The following CDH12 variants were observed in gnomAD, a reference collection of about 807,000 sequenced individuals.
CDH12 encodes cadherin-12.
A neutral mutation model predicts 74.1 loss-of-function variants in CDH12; 41 were observed. The ratio of observed to expected loss-of-function variants is 0.55; its 90% CI spans 0.43 to 0.72. CDH12 has a LOEUF of 0.72. CDH12 is among the 30% of genes least tolerant of loss of function. CDH12 has a pLI of 0.00. For synonymous variants in CDH12, 399 were observed against 355.0 expected, an observed-to-expected ratio of 1.12 and a Z score of -1.39; for missense variants, 945 against 977.2, an observed-to-expected ratio of 0.97 and a Z score of 0.44.
chr5:22,723,789 T>C (rs1374116936), intron 1 of CDH12, among the ~76,000 whole-genome samples: 1 of 152,084 alleles, frequency 6.6e-6, no homozygotes, highest in Non-Finnish European at 1.5e-5. Flanking sequence ...TATTTGGCAC[T>C]AATAAGTGAT....
At chr5:21,880,689 T>A (rs914603307) in intron 6 of CDH12, among the ~76,000 whole-genome samples, 1 of 131,588 alleles carries the variant, frequency 7.6e-6, no homozygotes, top group African/African-American at 2.8e-5. Flanking sequence ...CTTTCTTTCT[T>A]TCTCTTTTCT....
chr5:21,752,075 CT>C lies in CDH12; in HGVS notation c.2046del (p.Val683Ter), dbSNP rs1296145829. 1 of 1,614,108 alleles carries C rather than the reference CT, an allele frequency of 6.2e-7. No individual in the cohort carries two copies. Among genetic ancestry groups the C allele is most frequent in the Admixed American group, 1.7e-5 (1 of 59,994 alleles). On this transcript the variant is annotated frameshift_variant, in exon 15 of 15. Transcript: ENST00000382254. LOFTEE classifies it high-confidence loss of function. ...CTGCGAATTTTGTTCTCCTCAATCACTTTTGGGTTTCTCAGAGCCCCGATGT... is the reference window on the plus strand; with the variant it reads ...CTGCGAATTTTGTTCTCCTCAATCACTTTGGGTTTCTCAGAGCCCCGATGT... ...AFDIGALRNP[K>X]VIEENKIRRD...
At chr5:22,534,656 G>A (rs968972902) in intron 1 of CDH12, among the ~76,000 whole-genome samples, 1 of 152,038 alleles carries the variant, frequency 6.6e-6, no homozygotes, top group Non-Finnish European at 1.5e-5. Context: ...GGAGAGAAAG[G>A]GAAAGAGGCA....
intron 5 of CDH12, among the ~76,000 whole-genome samples, chr5:22,056,990 C>T (rs1037629423): frequency 2.5e-4 from 38 of 152,116 alleles, no homozygotes; most frequent in African/African-American, 4.8e-5. Context: ...ATGGAGTGAG[C>T]AGTTCTGCAT....
intron 5 of CDH12, among the ~76,000 whole-genome samples, chr5:22,057,838 T>C (rs1384271120): frequency 6.6e-6 from 1 of 152,178 alleles, no homozygotes; most frequent in African/African-American, 2.4e-5. Flanking sequence ...CAGCTAAATA[T>C]GTCACTGGCA....
intron 1 of CDH12, among the ~76,000 whole-genome samples, chr5:22,835,510 G>T (rs1736782252): frequency 6.6e-6 from 1 of 151,958 alleles, no homozygotes; most frequent in African/African-American, 2.4e-5. Flanking sequence ...CTTTGAATGG[G>T]GGCTAGATCA....
At chr5:22,168,170 C>G in intron 4 of CDH12, among the ~76,000 whole-genome samples, 1 of 152,018 alleles carries the variant, frequency 6.6e-6, no homozygotes, top group Non-Finnish European at 1.5e-5. Flanking sequence ...TGCCTCCTAA[C>G]TTTGTGGAAT....
chr5:22,710,111 C>A (rs1743216003), intron 1 of CDH12, among the ~76,000 whole-genome samples: 1 of 152,138 alleles, frequency 6.6e-6, no homozygotes, highest in Admixed American at 6.6e-5. Flanking sequence ...AGCAAAATCA[C>A]CCTCTATTTC....
At chr5:22,067,515 G>C (rs1010674104) in intron 5 of CDH12, among the ~76,000 whole-genome samples, 3 of 152,144 alleles carry the variant, frequency 2.0e-5, no homozygotes, top group African/African-American at 7.2e-5. Context: ...GTGGGGGACA[G>C]AATGAAAAGA....
At chr5:22,220,991 T>TACACACACACAC (rs546225606) in intron 3 of CDH12, among the ~76,000 whole-genome samples, 1 of 150,156 alleles carries the variant, frequency 6.7e-6, no homozygotes, top group South Asian at 2.1e-4. Flanking sequence ...CTTCATCAAA[T>TACACACACACAC]ACACACACAC....
intron 3 of CDH12, among the ~76,000 whole-genome samples, chr5:22,249,929 G>C (rs1753080317): frequency 6.6e-6 from 1 of 152,024 alleles, no homozygotes; most frequent in South Asian, 2.1e-4. Flanking sequence ...AGAAAGAATG[G>C]AATTCCATTG....
rs2963568 is a variant in CDH12 at position 22,014,466 on chromosome 5, G to C, written c.232-39081C>G. On this transcript the variant is annotated intron_variant, in intron 5 of 14. Transcript: ENST00000382254. ...ACGCATAACTCAGATGTATGCAAAG[G>C]CTTCATATATCTAGAATGTATATTG... 1.6e-4 allele frequency among the ~76,000 whole-genome samples: 24 copies of C among 152,060 alleles called. 1 individual carries two copies. In the South Asian group the frequency reaches 1.9e-3, roughly 12 times the overall value.
At chr5:22,360,268 A>G (rs1328737364) in intron 3 of CDH12, among the ~76,000 whole-genome samples, 3 of 152,204 alleles carry the variant, frequency 2.0e-5, no homozygotes, top group African/African-American at 7.2e-5. Context: ...GATCCCACAG[A>G]AATACAAAGT....
chr5:21,951,907 CT>C (rs1446641998), intron 6 of CDH12, among the ~76,000 whole-genome samples: 1 of 152,132 alleles, frequency 6.6e-6, no homozygotes, highest in African/African-American at 2.4e-5. Context: ...TTCATTCAGA[CT>C]TGAAAAGCTT....
chr5:22,266,677 G>A (rs554741661), intron 3 of CDH12, among the ~76,000 whole-genome samples: 1 of 152,058 alleles, frequency 6.6e-6, no homozygotes, highest in Admixed American at 6.6e-5. Context: ...TTGGATTAGA[G>A]AGTACAGATT....
chr5:21,982,011 A>G (rs956206122), intron 5 of CDH12, among the ~76,000 whole-genome samples: 5 of 152,130 alleles, frequency 3.3e-5, no homozygotes, highest in Non-Finnish European at 7.4e-5. Context: ...AGTTAATTTT[A>G]TATGTCAACT....
At chr5:22,668,971 A>G (rs993304) in intron 1 of CDH12, among the ~76,000 whole-genome samples, 17,841 of 151,886 alleles carry the variant, frequency 0.12, 1,371 homozygotes, top group Admixed American at 0.2. Flanking sequence ...AGTTACCTCC[A>G]TATTTTTCAA....
intron 2 of CDH12, among the ~76,000 whole-genome samples, chr5:22,447,988 A>AG (rs1342404115): frequency 6.8e-6 from 1 of 146,234 alleles, no homozygotes; most frequent in East Asian, 2.0e-4. Context: ...AAGAAATTAA[A>AG]AAAAAAAAAA....
chr5:22,524,950 T>A (rs1375624029), intron 1 of CDH12, among the ~76,000 whole-genome samples: 1 of 138,652 alleles, frequency 7.2e-6, no homozygotes, highest in African/African-American at 2.7e-5. Context: ...CCTAATGCTA[T>A]CCCTCCCCCC....
Sources: allele counts gnomAD v4.1 joint callset (sites outside exome capture counted in the v4.1 genomes callset), GRCh38; gene constraint gnomAD v4.1.1; transcripts MANE v1.5; gene names NCBI Gene and HGNC (gene_info 2026-07-23, HGNC 2026-07-21).